Variants in PANK1 observed in about 807,000 individuals in gnomAD.
The protein encoded by PANK1 is pantothenic acid kinase 1.
In PANK1, 18 loss-of-function variants were observed where a neutral mutation model predicts 40.1. That is an observed-to-expected ratio of 0.45 (90% confidence interval 0.31 to 0.67). The LOEUF is 0.67. Ranked by LOEUF, PANK1 falls within the 30% of genes least tolerant of loss-of-function variation. The pLI is 0.06. For missense variants in PANK1, 457 were observed against 599.6 expected (o/e 0.76, Z 2.48); for synonymous variants, 242 against 237.7 (o/e 1.02, Z -0.17).
intron 1 of PANK1, among the ~76,000 whole-genome samples, chr10:89,624,107 AGAG>A (rs1845590133): frequency 6.6e-6 from 1 of 152,148 alleles, no homozygotes; most frequent in Admixed American, 6.5e-5. Flanking sequence ...CTAATATTTG[AGAG>A]GGAAAAAGAG....
intron 3 of PANK1, among the ~76,000 whole-genome samples, chr10:89,594,304 A>T (rs1431765320): frequency 6.6e-6 from 1 of 152,216 alleles, no homozygotes; most frequent in East Asian, 1.9e-4. Context: ...CCCACCTATG[A>T]AATGGGGCCA....
At chr10:89,598,221 T>C (rs1047724103) in intron 3 of PANK1, among the ~76,000 whole-genome samples, 2 of 152,204 alleles carry the variant, frequency 1.3e-5, no homozygotes, top group Non-Finnish European at 2.9e-5. Flanking sequence ...GGGGAACCAC[T>C]CATTTATCAC....
chr10:89,587,195 C>T (rs75486837), intron 6 of PANK1, among the ~76,000 whole-genome samples: 2,002 of 152,152 alleles, frequency 0.013, 18 homozygotes, highest in Non-Finnish European at 0.021. Context: ...TAAAGAGGTT[C>T]ACTAATGGTC....
In PANK1 at chr10:89,645,167, C is replaced by G. The variant is rs1467098721; in HGVS notation, c.-276G>C. ...TCGGGGATCCCCGCGCACCCCCAGC[C>G]GGGGCTCCCGCCGCCCGCCTTCCCC... On this transcript the variant is annotated 5_prime_UTR_variant, in exon 1 of 7. Transcript: ENST00000307534. 5 of 1,552,268 alleles carry G rather than the reference C, an allele frequency of 3.2e-6. No homozygotes were observed. The highest frequency in any genetic ancestry group is 4.3e-6 in the Non-Finnish European group (5 of 1,152,894).
chr10:89,593,653 C>T (rs550423677), intron 4 of PANK1, among the ~76,000 whole-genome samples, 160 bp downstream of exon 4: 2 of 152,320 alleles, frequency 1.3e-5, no homozygotes, highest in East Asian at 3.9e-4. Context: ...CTAAACATCT[C>T]AGTGCTTCAT....
chr10:89,634,342 A>G (rs1841742063), intron 1 of PANK1, among the ~76,000 whole-genome samples: 1 of 152,182 alleles, frequency 6.6e-6, no homozygotes, highest in African/African-American at 2.4e-5. Flanking sequence ...GGCTAGCTAC[A>G]ATTCAGAAGT....
chr10:89,625,834 G>A (rs1845645389), intron 1 of PANK1: 1 of 152,198 alleles, frequency 6.6e-6, no homozygotes, highest in African/African-American at 2.4e-5. Flanking sequence ...GGGCCAGGAG[G>A]AAGCAGGAAT....
At chr10:89,602,860 C>G (rs572468806) in intron 2 of PANK1, among the ~76,000 whole-genome samples, 1 of 152,166 alleles carries the variant, frequency 6.6e-6, no homozygotes, top group African/African-American at 2.4e-5. Flanking sequence ...ACCAGATGAC[C>G]CTATTTTTCA....
chr10:89,645,072 CTCT>C lies in PANK1; in HGVS notation c.-184_-182del, dbSNP rs1842077217. ...CTCCTCCTGCCGACTCCCCCACCTCCTCTGCGCCCTGCCCCCCGCGCGCCGGCC... is the reference window on the plus strand; with the variant it reads ...CTCCTCCTGCCGACTCCCCCACCTCCGCGCCCTGCCCCCCGCGCGCCGGCC... On this transcript the variant is annotated 5_prime_UTR_variant, in exon 1 of 7. Transcript: ENST00000307534. 1 of 1,544,538 alleles carries C rather than the reference CTCT, an allele frequency of 6.5e-7. No homozygotes were observed. The highest frequency in any genetic ancestry group is 8.7e-7 in the Non-Finnish European group (1 of 1,151,898).
At chr10:89,606,302 C>T (rs1478465020) in intron 2 of PANK1, among the ~76,000 whole-genome samples, 17 of 152,238 alleles carry the variant, frequency 1.1e-4, no homozygotes, top group Admixed American at 9.8e-4. Context: ...CTATGAAAGT[C>T]TTAGGTGGCC....
intron 1 of PANK1, chr10:89,614,047 T>C (rs144150017): frequency 8.8e-6 from 4 of 456,514 alleles, no homozygotes; most frequent in African/African-American, 4.0e-5. Flanking sequence ...AAAAGAAAAA[T>C]TGCAAGTAAC....
intron 1 of PANK1, among the ~76,000 whole-genome samples, chr10:89,624,797 G>A (rs1005135727): frequency 1.3e-5 from 2 of 152,140 alleles, no homozygotes; most frequent in African/African-American, 4.8e-5. Context: ...TAGGAGTCAC[G>A]TCCCAGAAAA....
At chr10:89,628,857 C>T (rs1021897930) in intron 1 of PANK1, among the ~76,000 whole-genome samples, 1 of 152,140 alleles carries the variant, frequency 6.6e-6, no homozygotes, top group Non-Finnish European at 1.5e-5. Context: ...AATTATTGTG[C>T]TCACTGTACA....
intron 2 of PANK1, among the ~76,000 whole-genome samples, chr10:89,608,978 A>AGGGAG (rs1295274151): frequency 1.1e-3 from 160 of 152,324 alleles, no homozygotes; most frequent in Non-Finnish European, 1.7e-3. Context: ...TTGCCTAGTC[A>AGGGAG]CACAAAGACC....
At chr10:89,644,499 C>A (rs1425681333) in intron 1 of PANK1, 101 bp downstream of exon 1, 6 of 1,045,510 alleles carry the variant, frequency 5.7e-6, no homozygotes, top group Non-Finnish European at 8.1e-6. Flanking sequence ...GACGCGGGGG[C>A]GCACGGGGCG....
intron 3 of PANK1, among the ~76,000 whole-genome samples, chr10:89,594,987 T>G (rs1209770779): frequency 6.6e-6 from 1 of 152,270 alleles, no homozygotes; most frequent in Non-Finnish European, 1.5e-5. Flanking sequence ...CCATCTGTTC[T>G]GAAGCCCCAA....
At chr10:89,579,513 C>A (rs1476071230), downstream of PANK1, 2 of 152,090 alleles carry the variant, frequency 1.3e-5, no homozygotes, top group African/African-American at 4.8e-5. Context: ...TACGTGATAA[C>A]TTTATTTTAA....
intron 2 of PANK1, among the ~76,000 whole-genome samples, chr10:89,601,447 C>T (rs1335482128): frequency 1.3e-5 from 2 of 151,768 alleles, no homozygotes; most frequent in East Asian, 3.9e-4. Context: ...TGTCACTGCA[C>T]TCCAGCCTGG....
intron 1 of PANK1, chr10:89,625,687 C>T (rs1845641372): frequency 6.6e-6 from 1 of 151,782 alleles, no homozygotes. Flanking sequence ...AATAGAAACA[C>T]CAACATGAAA....
Sources: gnomAD v4.1 joint callset for allele counts (sites outside exome capture counted in the v4.1 genomes callset) on GRCh38, gnomAD v4.1.1 for gene constraint, MANE v1.5 for transcripts, NCBI Gene and HGNC (gene_info 2026-07-23, HGNC 2026-07-21) for gene names.